Variants in CNOT9 observed in about 807,000 individuals in gnomAD.
CNOT9 encodes RCD1 required for cell differentiation1 homolog.
A neutral mutation model predicts 37.4 loss-of-function variants in CNOT9; 8 were observed. That is an observed-to-expected ratio of 0.21 (90% CI 0.13 to 0.39). The LOEUF (loss-of-function observed/expected upper bound fraction) is 0.39. CNOT9 is among the 10% of genes least tolerant of loss of function. The pLI, the probability that CNOT9 is intolerant of heterozygous loss-of-function variation, is 1.00. For synonymous variants in CNOT9, 120 were observed against 137.6 expected (o/e 0.87, Z 0.90); for missense variants, 154 against 365.3 (o/e 0.42, Z 4.71).
intron 2 of CNOT9, among the ~76,000 whole-genome samples, 185 bp from the exon 3 acceptor site, chr2:218,582,786 A>G (rs1694440025): frequency 1.3e-5 from 2 of 152,066 alleles, no homozygotes. Context: ...AGCTAGTCTC[A>G]GCCAAGTAAG....
chr2:218,568,868 C>A lies in CNOT9; in HGVS notation c.-87C>A. 6.8e-7 allele frequency: 1 copy of A among 1,473,092 alleles called. No homozygotes were observed. The highest frequency in any genetic ancestry group is 9.3e-7 in the Non-Finnish European group (1 of 1,079,600). 91.3% of individuals were successfully genotyped at this position (1,473,092 alleles called of 1,614,324 possible). On this transcript the variant is annotated 5_prime_UTR_variant, in exon 1 of 8. Coordinates refer to ENST00000273064, the MANE Select transcript of CNOT9 (RefSeq NM_005444.3). ...CGGAGTCGGATGGCGGCTACGGCGG[C>A]TCATTGTTTTCCGCTGCAGGGGTGC...
intron 1 of CNOT9, among the ~76,000 whole-genome samples, chr2:218,578,225 G>A (rs1694236646): frequency 6.6e-6 from 1 of 152,218 alleles, no homozygotes; most frequent in Admixed American, 6.5e-5. Flanking sequence ...GCAGATTACT[G>A]TAAGGCACTT....
chr2:218,569,075 AT>A (rs1165031216), intron 1 of CNOT9, 97 bp downstream of exon 1: 3 of 1,366,430 alleles, frequency 2.2e-6, no homozygotes, highest in Admixed American at 2.0e-5. Context: ...CCCTAGTCTG[AT>A]TTTTTTCTGC....
At chr2:218,583,591 A>G (rs1694489663) in intron 3 of CNOT9, among the ~76,000 whole-genome samples, 1 of 152,200 alleles carries the variant, frequency 6.6e-6, no homozygotes, top group South Asian at 2.1e-4. Context: ...TGTCATATCT[A>G]AAAAATTAAG....
At chr2:218,569,077 T>A in intron 1 of CNOT9, 99 bp downstream of exon 1, 2 of 1,353,218 alleles carry the variant, frequency 1.5e-6, no homozygotes, top group African/African-American at 1.5e-5. Flanking sequence ...CTAGTCTGAT[T>A]TTTTTCTGCC....
intron 5 of CNOT9, among the ~76,000 whole-genome samples, chr2:218,588,298 T>C (rs981926090): frequency 1.3e-5 from 2 of 151,528 alleles, no homozygotes; most frequent in African/African-American, 4.8e-5. Context: ...TTTTTTTTTT[T>C]TTTTCTCTGA....
At chr2:218,582,021 G>A (rs1214765409) in intron 2 of CNOT9, among the ~76,000 whole-genome samples, 1 of 152,052 alleles carries the variant, frequency 6.6e-6, no homozygotes, top group Non-Finnish European at 1.5e-5. Context: ...GGTGGAGGCT[G>A]CAGTGAGCCA....
At chr2:218,586,013 A>G (rs1694584469) in intron 4 of CNOT9, among the ~76,000 whole-genome samples, 1 of 152,230 alleles carries the variant, frequency 6.6e-6, no homozygotes, top group African/African-American at 2.4e-5. Context: ...TTAAAAATAT[A>G]TGCATGATCT....
intron 1 of CNOT9, among the ~76,000 whole-genome samples, chr2:218,579,304 TTA>T (rs916463368): frequency 1.3e-5 from 2 of 152,210 alleles, no homozygotes; most frequent in African/African-American, 2.4e-5. Flanking sequence ...TTTTTTATTT[TTA>T]TATGTGTGTA....
intron 1 of CNOT9, among the ~76,000 whole-genome samples, chr2:218,575,664 A>G (rs747181365): frequency 6.6e-6 from 1 of 151,970 alleles, no homozygotes; most frequent in Non-Finnish European, 1.5e-5. Flanking sequence ...CGGCCTCCCA[A>G]AGTGCTGGGA....
At position 218,568,918 on chromosome 2, in the gene CNOT9, C is replaced by G. The variant is rs377104991; in HGVS notation, c.-37C>G. On this transcript the variant is annotated 5_prime_UTR_variant, in exon 1 of 8. Transcript: ENST00000273064. ...CTGAAGGGGGGACGCGGGTCGGACG[C>G]GTCCGGCTGTGGAAGAGAGCGGCGG... is the stretch of plus-strand genomic sequence containing the variant. The G allele has an allele frequency of 1.2e-6, 2 of 1,601,178 alleles. No individual in the cohort carries two copies. The highest frequency in any genetic ancestry group is 2.7e-5 in the African/African-American group (2 of 74,684).
rs1694915709 is a variant in CNOT9 at position 218,595,901 on chromosome 2, C to T, written c.*1625C>T. On this transcript the variant is annotated 3_prime_UTR_variant, in exon 8 of 8. Coordinates refer to ENST00000273064, the MANE Select transcript of CNOT9 (RefSeq NM_005444.3). ...TTAAGTGGCCTAGATATAGGAAGGG[C>T]AGAATAAGCACTTACTCCCCCTGCC... 6.6e-6 allele frequency: 1 copy of T among 152,088 alleles called. No individual in the cohort carries two copies. The highest frequency in any genetic ancestry group is 2.1e-4 in the South Asian group (1 of 4,824). 9.4% of individuals were successfully genotyped at this position (152,088 alleles called of 1,614,324 possible). A position where few individuals can be genotyped will look rare whatever the true frequency, so the allele number is the denominator to read the frequency against.
intron 2 of CNOT9, 43 bp downstream of exon 2, chr2:218,580,783 C>T: frequency 6.5e-7 from 1 of 1,535,252 alleles, no homozygotes. Flanking sequence ...CTTTTCATTA[C>T]ACTTGTATAT....
At chr2:218,581,069 C>A in intron 2 of CNOT9, 1 of 485,382 alleles carries the variant, frequency 2.1e-6, no homozygotes, top group Non-Finnish European at 4.1e-6. Context: ...GATAAATCTA[C>A]ATGACAGGGG....
At chr2:218,570,113 T>C (rs1019457485) in intron 1 of CNOT9, among the ~76,000 whole-genome samples, 7 of 152,182 alleles carry the variant, frequency 4.6e-5, no homozygotes, top group Admixed American at 4.6e-4. Flanking sequence ...TCAGATACTT[T>C]GCTGCATGAA....
At chr2:218,585,402 T>C (rs1239565070) in intron 4 of CNOT9, among the ~76,000 whole-genome samples, 1 of 151,768 alleles carries the variant, frequency 6.6e-6, no homozygotes, top group Non-Finnish European at 1.5e-5. Flanking sequence ...TTTTAGTCTC[T>C]ACTAAAAAAA....
intron 5 of CNOT9, among the ~76,000 whole-genome samples, chr2:218,591,588 C>T (rs1221661641): frequency 6.6e-6 from 1 of 151,896 alleles, no homozygotes; most frequent in Non-Finnish European, 1.5e-5. Flanking sequence ...ACTAAAAATA[C>T]CAAAATTAGC....
chr2:218,589,724 C>T (rs1189206873), intron 5 of CNOT9, among the ~76,000 whole-genome samples: 1 of 152,162 alleles, frequency 6.6e-6, no homozygotes, highest in Non-Finnish European at 1.5e-5. Context: ...CACACTATAG[C>T]CTTGAACTCC....
At position 218,590,865 on chromosome 2, in the gene CNOT9, G is replaced by A. The variant is rs144059868; in HGVS notation, c.541-1439G>A. On this transcript the variant is annotated intron_variant, in intron 5 of 7. Transcript: ENST00000273064. ...TTTAAGAGATGGGGTTTTCTCTGTC[G>A]CCCAGGCTGGAGTGCAGTGGCATGA... Among the ~76,000 whole-genome samples, 43 of 151,530 alleles carry A rather than the reference G, an allele frequency of 2.8e-4. No homozygotes were observed. The East Asian group carries it at 4.6e-3, about 16-fold the overall frequency.
Sources: allele counts gnomAD v4.1 joint callset (sites outside exome capture counted in the v4.1 genomes callset), GRCh38; gene constraint gnomAD v4.1.1; transcripts MANE v1.5; gene names NCBI Gene and HGNC (gene_info 2026-07-23, HGNC 2026-07-21).